Variants in GBF1 observed in about 807,000 individuals in gnomAD.
GBF1 encodes the protein golgi brefeldin A resistant guanine nucleotide exchange factor 1.
GBF1 carries 114 observed loss-of-function variants against 210.5 expected under a neutral mutation model. The ratio of observed to expected loss-of-function variants is 0.54; its 90% CI spans 0.47 to 0.63. GBF1 has a LOEUF of 0.63. GBF1 is among the 30% of genes least tolerant of loss of function. The probability of loss-of-function intolerance (pLI) is 0.00; values close to 1 mark genes in which losing one functional copy is unlikely to be tolerated. For missense variants in GBF1, 1,851 were observed against 2,357.7 expected (o/e 0.79, Z 4.45); for synonymous variants, 850 against 889.2 (o/e 0.96, Z 0.78).
intron 3 of GBF1, among the ~76,000 whole-genome samples, chr10:102,321,931 T>C (rs1843548087): frequency 6.6e-6 from 1 of 152,228 alleles, no homozygotes; most frequent in African/African-American, 2.4e-5. Flanking sequence ...CAGTCACAGC[T>C]CACTCTAGCC....
rs767169096 is a variant in GBF1, at chr10:102,366,805, C to T, written c.2434-280C>T. On this transcript the variant is annotated intron_variant, in intron 19 of 39. Coordinates refer to ENST00000369983, the MANE Select transcript of GBF1 (RefSeq NM_001377137.1). This position sits in a 1 kb window ranked among gnomAD's most constrained non-coding sequence, Gnocchi z 4.0. ...TTTGCCATGTTGGTCAGGCTGGTCT[C>T]GAACTCCTGATCTCGGGTGATCCGC... 5.9e-5 allele frequency among the ~76,000 whole-genome samples: 9 copies of T among 151,960 alleles called. No individual in the cohort carries two copies. The highest frequency in any genetic ancestry group is 1.9e-4 in the African/African-American group (8 of 41,342).
At chr10:102,377,709 C>T (rs970604276) in intron 33 of GBF1, among the ~76,000 whole-genome samples, 1 of 152,022 alleles carries the variant, frequency 6.6e-6, no homozygotes, top group Non-Finnish European at 1.5e-5. Context: ...TCAAAATATA[C>T]AAAAGGGTAA....
At chr10:102,304,645 C>T (rs1565086198) in intron 3 of GBF1, among the ~76,000 whole-genome samples, 1 of 151,638 alleles carries the variant, frequency 6.6e-6, no homozygotes, top group Non-Finnish European at 1.5e-5. Context: ...TGCGGTGGCA[C>T]ACGCCAGTAA....
At chr10:102,300,682 A>G (rs2077263835) in intron 3 of GBF1, among the ~76,000 whole-genome samples, 1 of 152,192 alleles carries the variant, frequency 6.6e-6, no homozygotes, top group African/African-American at 2.4e-5. Context: ...GGTACAGGGC[A>G]TTGGTTTAGC....
At chr10:102,236,661 C>G in the GBF1 span, among the ~76,000 whole-genome samples, 1 of 152,198 alleles carries the variant, frequency 6.6e-6, no homozygotes, top group African/African-American at 2.4e-5. Flanking sequence ...CCAAGAGACA[C>G]AACCCCATGG....
intron 8 of GBF1, among the ~76,000 whole-genome samples, chr10:102,355,642 A>G (rs1249970414): frequency 6.6e-6 from 1 of 152,246 alleles, no homozygotes; most frequent in Non-Finnish European, 1.5e-5. Context: ...TAGAGAAGGA[A>G]ACGTGAAAAA....
rs1386264746 is a variant in GBF1 at position 102,358,597 on chromosome 10, C to T, written c.879C>T (p.Gly293=). 6.2e-7 allele frequency: 1 copy of T among 1,613,532 alleles called. No individual in the cohort carries two copies. The highest frequency in any genetic ancestry group is 1.1e-5 in the South Asian group (1 of 91,078). Residue 293 remains glycine (G), a synonymous_variant, in exon 10 of 40, where the codon GGC becomes GGT. Coordinates refer to ENST00000369983, the MANE Select transcript of GBF1 (RefSeq NM_001377137.1). ...SAVVSPSTDS[G]LEFSSQTTSK... Reference sequence around the variant, plus strand: ...TGGTCAGTCCCTCTACAGACAGTGGCCTGGAATTCTCCTCCCAAACCACTT... The same window carrying T: ...TGGTCAGTCCCTCTACAGACAGTGGTCTGGAATTCTCCTCCCAAACCACTT...
intron 3 of GBF1, among the ~76,000 whole-genome samples, chr10:102,282,406 G>T (rs1343483393): frequency 1.3e-5 from 2 of 152,122 alleles, no homozygotes; most frequent in African/African-American, 2.4e-5. Context: ...AGGCGATGAG[G>T]TTATTTATTT....
At chr10:102,234,388 G>C in the GBF1 span, among the ~76,000 whole-genome samples, 1 of 152,178 alleles carries the variant, frequency 6.6e-6, no homozygotes, top group Non-Finnish European at 1.5e-5. Context: ...TATTGGGTGT[G>C]AAGAGACAGG....
At chr10:102,309,634 G>A (rs566257020) in intron 3 of GBF1, among the ~76,000 whole-genome samples, 107 of 152,238 alleles carry the variant, frequency 7.0e-4, no homozygotes, top group Non-Finnish European at 1.4e-3. Flanking sequence ...CTTGTGCACT[G>A]TATTTGTTGA....
In GBF1 at chr10:102,367,194, C is replaced by T; in HGVS notation, c.2543C>T (p.Ala848Val). The T allele has an allele frequency of 6.2e-7, 1 of 1,613,994 alleles. No individual in the cohort carries two copies. Among genetic ancestry groups the T allele is most frequent in the Non-Finnish European group, 8.5e-7 (1 of 1,179,914 alleles). The change falls in exon 20 of 40, where the codon GCA (alanine) becomes GTA (valine). Residue 848 changes from alanine to valine, a missense_variant. By Grantham distance (64) the Ala-to-Val change is moderately conservative. Around this residue, in one of 3 missense-constraint regions of GBF1, gnomAD observed 80 missense variants for 151.4 expected, o/e 0.53. Coordinates refer to ENST00000369983, the MANE Select transcript of GBF1 (RefSeq NM_001377137.1). Reference sequence around the variant, plus strand: ...AACCACAATGTTCGTAAACAGAATGCACCCATGACCCTGGAGGTAAGCTTG... The same window carrying T: ...AACCACAATGTTCGTAAACAGAATGTACCCATGACCCTGGAGGTAAGCTTG... ...QHNHNVRKQNAPMTLEEFRKN... is the reference protein window; with the variant it reads ...QHNHNVRKQNVPMTLEEFRKN...
Position 102,260,050 on chromosome 10 carries a change from G to C in GBF1, c.97G>C (p.Asp33His), listed in dbSNP as rs1446983281. Reference protein sequence around the residue: ...NARWSTHTPLDEERDPLLHSF... With the variant: ...NARWSTHTPLHEERDPLLHSF... ...TTACTTTAATCTATGTGTTCTACAG[G>C]ATGAAGAACGGGATCCTCTGCTGCA... The change falls in exon 3 of 40, where the codon GAT (aspartate) becomes CAT (histidine). Residue 33 changes from aspartate (D) to histidine (H), a missense_variant and splice_region_variant. Coordinates refer to ENST00000369983, the MANE Select transcript of GBF1 (RefSeq NM_001377137.1). 2 of 1,567,814 alleles carry C rather than the reference G, an allele frequency of 1.3e-6. No individual in the cohort carries two copies. The highest frequency in any genetic ancestry group is 1.8e-6 in the Non-Finnish European group (2 of 1,138,826).
At chr10:102,247,827 A>G (rs1462353477) in intron 1 of GBF1, among the ~76,000 whole-genome samples, 1 of 152,132 alleles carries the variant, frequency 6.6e-6, no homozygotes, top group Non-Finnish European at 1.5e-5. Flanking sequence ...AGTGATGCTC[A>G]TTGGCACAGT....
intron 3 of GBF1, among the ~76,000 whole-genome samples, chr10:102,292,819 T>C (rs1369648340): frequency 1.3e-5 from 2 of 152,218 alleles, no homozygotes; most frequent in African/African-American, 4.8e-5. Context: ...TTGTAGAATA[T>C]ATTTTAAAGA....
chr10:102,347,758 C>T (rs566046800), intron 4 of GBF1, among the ~76,000 whole-genome samples: 1 of 152,298 alleles, frequency 6.6e-6, no homozygotes, highest in South Asian at 2.1e-4. Flanking sequence ...ACTCCTGTCT[C>T]TTGCTCCTAT....
At chr10:102,231,104 G>A in the GBF1 span, 5 of 1,539,128 alleles carry the variant, frequency 3.2e-6, no homozygotes, top group African/African-American at 1.4e-5. Flanking sequence ...AACCACACCT[G>A]CGGGCACGGG....
At chr10:102,277,975 T>C (rs1000972379) in intron 3 of GBF1, among the ~76,000 whole-genome samples, 1 of 152,146 alleles carries the variant, frequency 6.6e-6, no homozygotes, top group African/African-American at 2.4e-5. Context: ...TTTTTAAAAT[T>C]TTTTCAGCCA....
rs375708416 is a variant in GBF1, at chr10:102,258,923, T to C, written c.-10-6T>C. On this transcript the variant is annotated splice_polypyrimidine_tract_variant and splice_region_variant and intron_variant, in intron 1 of 39. Transcript: ENST00000369983. ...AACCAGACTATTATCTTAACTGTTT[T>C]GGTAGGTTTGCCAAGATGGTGGATA... 2.5e-5 allele frequency: 35 copies of C among 1,410,910 alleles called. No individual in the cohort carries two copies. In the African/African-American group the frequency reaches 3.5e-4, roughly 14 times the overall value. 87.4% of individuals were successfully genotyped at this position (1,410,910 alleles called of 1,614,324 possible).
intron 24 of GBF1, 91 bp downstream of exon 24, chr10:102,369,478 AATGTTGG>A: frequency 9.2e-7 from 1 of 1,092,702 alleles, no homozygotes. Context: ...GGTTGAGAGT[AATGTTGG>A]GCCTGATGCC....
Sources: gnomAD v4.1 joint callset for allele counts (sites outside exome capture counted in the v4.1 genomes callset) on GRCh38, gnomAD v4.1.1 for gene constraint, gnomAD v4.1.1 regional missense constraint, Gnocchi (gnomAD v3.1) non-coding constraint, MANE v1.5 for transcripts, NCBI Gene and HGNC (gene_info 2026-07-23, HGNC 2026-07-21) for gene names.